The following HPSE2 variants were observed in gnomAD, a reference collection of about 807,000 sequenced individuals.
HPSE2 encodes the protein heparanase 2 (inactive).
In HPSE2, 38 loss-of-function variants were observed where a neutral mutation model predicts 60.5. That is an observed-to-expected ratio of 0.63 (90% CI 0.48 to 0.82). The LOEUF (loss-of-function observed/expected upper bound fraction) is 0.82. HPSE2 is among the 40% of genes least tolerant of loss of function. The probability of loss-of-function intolerance (pLI) is 0.00; values close to 1 mark genes in which losing one functional copy is unlikely to be tolerated. For synonymous variants in HPSE2, 295 were observed against 293.2 expected, an observed-to-expected ratio of 1.01 and a Z score of -0.06; for missense variants, 713 against 740.4, an observed-to-expected ratio of 0.96 and a Z score of 0.43.
intron 3 of HPSE2, among the ~76,000 whole-genome samples, chr10:98,774,613 G>A (rs1486140083): frequency 3.3e-5 from 5 of 152,128 alleles, no homozygotes; most frequent in Non-Finnish European, 5.9e-5. Context: ...CATGGATCTG[G>A]TGGGTGAGGC....
At chr10:99,301,677 C>T in the HPSE2 span, among the ~76,000 whole-genome samples, 1 of 152,170 alleles carries the variant, frequency 6.6e-6, no homozygotes, top group Admixed American at 6.5e-5. Context: ...TTCTAAACAG[C>T]TAGACCAGAT....
In HPSE2 at chr10:98,761,357, A is replaced by G. The variant is rs144355239; in HGVS notation, c.611-17301T>C. Among the ~76,000 whole-genome samples the G allele has an allele frequency of 8.2e-3, 1,254 of 152,128 alleles. 21 individuals carry two copies. Among genetic ancestry groups the G allele is most frequent in the Middle Eastern group, 0.058 (17 of 294 alleles). On this transcript the variant is annotated intron_variant, in intron 3 of 11. Transcript: ENST00000370552. ...ACTCCTAGCTTTCTTGATCTTTTCTATTTGTTTCTTAATCTCTATTTCATT... is the reference window on the plus strand; with the variant it reads ...ACTCCTAGCTTTCTTGATCTTTTCTGTTTGTTTCTTAATCTCTATTTCATT...
At chr10:98,972,813 C>T (rs554296341) in intron 3 of HPSE2, among the ~76,000 whole-genome samples, 6 of 152,220 alleles carry the variant, frequency 3.9e-5, no homozygotes, top group East Asian at 1.9e-4. Flanking sequence ...TAATCAGCAA[C>T]GCATAAAGCA....
chr10:99,084,180 T>C lies in HPSE2; in HGVS notation c.610+60058A>G, dbSNP rs114657654. Among the ~76,000 whole-genome samples the C allele has an allele frequency of 2.9e-3, 438 of 152,150 alleles. 1 individual carries two copies. The highest frequency in any genetic ancestry group is 1.0e-2 in the African/African-American group (413 of 41,496). ...AACTCAATTCCTCCCTATCCTGAAA[T>C]AAATGCTAGGCAGAGTAACGCAGAA... On this transcript the variant is annotated intron_variant, in intron 3 of 11. Transcript: ENST00000370552.
chr10:98,497,233 G>A (rs1941874056), intron 9 of HPSE2, among the ~76,000 whole-genome samples: 1 of 151,924 alleles, frequency 6.6e-6, no homozygotes, highest in African/African-American at 2.4e-5. Flanking sequence ...GAAATGATGT[G>A]TAACAAAACC....
intron 3 of HPSE2, among the ~76,000 whole-genome samples, chr10:99,022,000 T>C (rs1044959819): frequency 4.6e-5 from 7 of 150,804 alleles, no homozygotes; most frequent in African/African-American, 1.5e-4. Flanking sequence ...CATTAACTCG[T>C]CATTTACATT....
chr10:98,660,831 T>C (rs944265337), intron 6 of HPSE2, among the ~76,000 whole-genome samples: 39 of 152,352 alleles, frequency 2.6e-4, no homozygotes, highest in African/African-American at 8.9e-4. Flanking sequence ...ATCCCTGTCT[T>C]TCATCTATAT....
chr10:99,008,357 T>G (rs748727274), intron 3 of HPSE2, among the ~76,000 whole-genome samples: 6 of 152,222 alleles, frequency 3.9e-5, no homozygotes, highest in Non-Finnish European at 7.3e-5. Context: ...ATCCAAACCT[T>G]GATCAACGCC....
At chr10:98,894,817 T>G (rs1338791664) in intron 3 of HPSE2, among the ~76,000 whole-genome samples, 2 of 151,302 alleles carry the variant, frequency 1.3e-5, no homozygotes, top group African/African-American at 2.4e-5. Context: ...AAAAGACATC[T>G]CCACCAAGAC....
intron 3 of HPSE2, among the ~76,000 whole-genome samples, chr10:99,023,571 G>A (rs1196111870): frequency 6.6e-6 from 1 of 152,208 alleles, no homozygotes; most frequent in Non-Finnish European, 1.5e-5. Flanking sequence ...CTTCAGGACT[G>A]ACCCAGCACA....
chr10:98,886,163 C>G (rs748587350), intron 3 of HPSE2, among the ~76,000 whole-genome samples: 38 of 152,124 alleles, frequency 2.5e-4, no homozygotes, highest in Non-Finnish European at 4.3e-4. Context: ...TCCCCTAAGA[C>G]TATTTTTGCC....
In HPSE2 at chr10:98,973,778, C is replaced by T. The variant is rs141345078; in HGVS notation, c.610+170460G>A. Among the ~76,000 whole-genome samples, 382 of 150,226 alleles carry T rather than the reference C, an allele frequency of 2.5e-3. 1 individual carries two copies. Among genetic ancestry groups the T allele is most frequent in the Middle Eastern group, 0.02 (6 of 294 alleles). On this transcript the variant is annotated intron_variant, in intron 3 of 11. Transcript: ENST00000370552. Reference sequence around the variant, plus strand: ...TTTTCACTGGAATTTTCAAGAAGTACATTTGGGAGATGTTTTCCAACTTTC... The same window carrying T: ...TTTTCACTGGAATTTTCAAGAAGTATATTTGGGAGATGTTTTCCAACTTTC...
At position 98,459,410 on chromosome 10, in the gene HPSE2, C is replaced by T. The variant is rs549084101; in HGVS notation, c.*164G>A. ...ATGTGGCCTACCTAGGCTAAGATCA[C>T]GCTATGACATTTAGTCTCTTTGGAG... On this transcript the variant is annotated 3_prime_UTR_variant, in exon 12 of 12. Transcript: ENST00000370552. 2.2e-4 allele frequency: 181 copies of T among 807,780 alleles called. 2 individuals carry two copies. In the African/African-American group the frequency reaches 2.4e-3, roughly 11 times the overall value. 50.0% of individuals were successfully genotyped at this position (807,780 alleles called of 1,614,324 possible).
intron 3 of HPSE2, among the ~76,000 whole-genome samples, chr10:99,059,337 G>A (rs1051893534): frequency 3.3e-5 from 5 of 151,988 alleles, no homozygotes; most frequent in East Asian, 1.9e-4. Context: ...TGAATTTTTC[G>A]CTCTCAGGAT....
chr10:98,704,809 A>G lies in HPSE2; in HGVS notation c.957-10862T>C, dbSNP rs542297687. 7.9e-5 allele frequency among the ~76,000 whole-genome samples: 12 copies of G among 152,338 alleles called. No homozygotes were observed. The East Asian group carries it at 2.3e-3, about 29-fold the overall frequency. ...TAAAACCCCAAACCATAAGAACCCT[A>G]GAAGAAAACCTAGGCAATATCATTC... On this transcript the variant is annotated intron_variant, in intron 5 of 11. Coordinates refer to ENST00000370552, the MANE Select transcript of HPSE2 (RefSeq NM_021828.5).
intron 11 of HPSE2, among the ~76,000 whole-genome samples, chr10:98,473,228 T>C (rs1249721615): frequency 1.3e-5 from 2 of 152,078 alleles, no homozygotes; most frequent in African/African-American, 4.8e-5. Context: ...CTCATGTCTA[T>C]AGTCCTAGCA....
At position 98,931,050 on chromosome 10, in the gene HPSE2, A is replaced by G. The variant is rs912254648; in HGVS notation, c.611-186994T>C. Among the ~76,000 whole-genome samples the G allele has an allele frequency of 3.5e-5, 5 of 143,998 alleles. 1 individual carries two copies. In the East Asian group the frequency reaches 9.8e-4, roughly 28 times the overall value. The allele number at this position is 143,998 out of a possible 152,430, so 94.5% of individuals were successfully genotyped here. On this transcript the variant is annotated intron_variant, in intron 3 of 11. Coordinates refer to ENST00000370552, the MANE Select transcript of HPSE2 (RefSeq NM_021828.5). Reference sequence around the variant, plus strand: ...CTTCATAAAGTCTTTGCCCATGCCTATGTCCTGAATGGTATTGCCTAGATT... The same window carrying G: ...CTTCATAAAGTCTTTGCCCATGCCTGTGTCCTGAATGGTATTGCCTAGATT...
At chr10:98,685,797 C>T (rs903469832) in intron 6 of HPSE2, among the ~76,000 whole-genome samples, 14 of 152,200 alleles carry the variant, frequency 9.2e-5, no homozygotes, top group African/African-American at 3.4e-4. Context: ...ATAGGACAGG[C>T]ATATACTTAG....
chr10:98,722,670 A>G (rs1001508689), intron 4 of HPSE2, among the ~76,000 whole-genome samples: 6 of 152,276 alleles, frequency 3.9e-5, no homozygotes, highest in African/African-American at 1.4e-4. Flanking sequence ...TTCAGCTTCC[A>G]TTACCTTGGT....
Sources: gnomAD v4.1 joint callset for allele counts (sites outside exome capture counted in the v4.1 genomes callset) on GRCh38, gnomAD v4.1.1 for gene constraint, MANE v1.5 for transcripts, NCBI Gene and HGNC (gene_info 2026-07-23, HGNC 2026-07-21) for gene names.